RNF220: variants seen among roughly 807,000 people sequenced by gnomAD.
RNF220 encodes the protein ring finger protein 220.
RNF220 carries 7 observed loss-of-function variants against 67.1 expected under a neutral mutation model. The observed-to-expected ratio is 0.10, with a 90% CI of 0.06 to 0.20. RNF220 has a LOEUF of 0.20. RNF220 is among the 10% of genes least tolerant of loss of function. RNF220 has a pLI of 1.00. For synonymous variants in RNF220, 270 were observed against 283.2 expected (o/e 0.95, Z 0.47); for missense variants, 565 against 740.3 (o/e 0.76, Z 2.75).
At chr1:44,512,360 C>T (rs1367858795) in intron 2 of RNF220, among the ~76,000 whole-genome samples, 4 of 152,138 alleles carry the variant, frequency 2.6e-5, no homozygotes, top group Admixed American at 1.3e-4. Flanking sequence ...GGGAGGAAAT[C>T]TCTGCTCATC....
At chr1:44,635,764 G>A in intron 7 of RNF220, 176 bp downstream of exon 7, 5 of 1,441,678 alleles carry the variant, frequency 3.5e-6, no homozygotes, top group Non-Finnish European at 4.6e-6. Context: ...GGGTCTCCAT[G>A]TGGTCTCAGC....
intron 2 of RNF220, among the ~76,000 whole-genome samples, chr1:44,520,124 TGTGTGAGA>T (rs1471311902): frequency 2.8e-5 from 4 of 142,712 alleles, no homozygotes; most frequent in South Asian, 4.8e-4. Flanking sequence ...TGTGTGTGTG[TGTGTGAGA>T]GAGAGAGAGA....
chr1:44,412,847 AG>A lies in RNF220; in HGVS notation c.625+126del. 2 of 1,047,596 alleles carry A rather than the reference AG, an allele frequency of 1.9e-6. No homozygotes were observed. The highest frequency in any genetic ancestry group is 2.8e-6 in the Non-Finnish European group (2 of 713,364). 64.9% of individuals were successfully genotyped at this position (1,047,596 alleles called of 1,614,324 possible). On this transcript the variant is annotated intron_variant, in intron 2 of 14. Coordinates refer to ENST00000361799, the MANE Select transcript of RNF220 (RefSeq NM_018150.4). The surrounding 1 kb of genome is among the most constrained non-coding windows in gnomAD (Gnocchi z 5.3). ...AAGGGCCAACTACTTCCCTTTCACT[AG>A]CTGTGGAGTGCTAACCTTTGCTTGT...
intron 8 of RNF220, chr1:44,638,410 G>A (rs533161711): frequency 2.0e-5 from 3 of 152,428 alleles, no homozygotes; most frequent in Non-Finnish European, 2.9e-5. Context: ...GAGGCAGGAT[G>A]AGCAGGCGAG....
intron 2 of RNF220, among the ~76,000 whole-genome samples, chr1:44,421,591 A>T (rs1649219706): frequency 1.0e-5 from 1 of 95,936 alleles, no homozygotes; most frequent in African/African-American, 4.1e-5. Flanking sequence ...AGCAGGACTG[A>T]GATGGGGGGG....
At chr1:44,555,600 G>A (rs7513870) in intron 2 of RNF220, among the ~76,000 whole-genome samples, 17,044 of 145,928 alleles carry the variant, frequency 0.12, 2,025 homozygotes, top group East Asian at 0.44. Context: ...TCAGCCTCTG[G>A]AGTAGCTGGG....
intron 4 of RNF220, among the ~76,000 whole-genome samples, chr1:44,625,711 G>A (rs931791816): frequency 6.6e-6 from 1 of 152,102 alleles, no homozygotes; most frequent in African/African-American, 2.4e-5. Context: ...CAAGCAGACA[G>A]TTTATTAATC....
intron 2 of RNF220, among the ~76,000 whole-genome samples, chr1:44,537,566 C>T (rs1277210110): frequency 1.3e-5 from 2 of 152,138 alleles, no homozygotes; most frequent in Non-Finnish European, 2.9e-5. Context: ...TTTCGTTACC[C>T]TAGGAGTAAA....
intron 2 of RNF220, among the ~76,000 whole-genome samples, chr1:44,432,912 T>C (rs1650556548): frequency 1.3e-5 from 2 of 151,058 alleles, no homozygotes; most frequent in Non-Finnish European, 1.5e-5. Flanking sequence ...TTTTTTTTTT[T>C]TGAGTCTTGC....
At chr1:44,594,089 G>GA (rs60537747) in intron 2 of RNF220, among the ~76,000 whole-genome samples, 35 of 136,722 alleles carry the variant, frequency 2.6e-4, no homozygotes, top group East Asian at 6.9e-4. Flanking sequence ...CATCTCAAAA[G>GA]AAAAAAAAAA....
chr1:44,616,595 C>A (rs1643556017), intron 3 of RNF220, among the ~76,000 whole-genome samples: 1 of 151,816 alleles, frequency 6.6e-6, no homozygotes. Flanking sequence ...CCCATCCCTA[C>A]CCCCCGCCCA....
rs185649731 is a variant in RNF220 at position 44,595,684 on chromosome 1, C to G, written c.626-18481C>G. ...GCCAGAATGGACAGGGTACAGCTTTCCATTCCAACCAGCATCAAGCAGATG... is the reference window on the plus strand; with the variant it reads ...GCCAGAATGGACAGGGTACAGCTTTGCATTCCAACCAGCATCAAGCAGATG... On this transcript the variant is annotated intron_variant, in intron 2 of 14. Coordinates refer to ENST00000361799, the MANE Select transcript of RNF220 (RefSeq NM_018150.4). Among the ~76,000 whole-genome samples the G allele has an allele frequency of 2.3e-3, 350 of 152,318 alleles. 4 individuals carry two copies. Among genetic ancestry groups the G allele is most frequent in the African/African-American group, 8.0e-3 (334 of 41,580 alleles).
rs146266660 is a variant in RNF220 at position 44,562,013 on chromosome 1, G to C, written c.626-52152G>C. 4.1e-3 allele frequency among the ~76,000 whole-genome samples: 622 copies of C among 152,194 alleles called. 4 individuals are homozygous for C. The highest frequency in any genetic ancestry group is 0.015 in the East Asian group (80 of 5,170). On this transcript the variant is annotated intron_variant, in intron 2 of 14. Coordinates refer to ENST00000361799, the MANE Select transcript of RNF220 (RefSeq NM_018150.4). ...GCTAACTTAACTTAGCTAATTTAAA[G>C]CTAACTCCTTAAGGAGTTAGACCCA...
At chr1:44,490,146 A>G (rs773531921) in intron 2 of RNF220, among the ~76,000 whole-genome samples, 5 of 152,178 alleles carry the variant, frequency 3.3e-5, no homozygotes, top group Non-Finnish European at 2.9e-5. Flanking sequence ...AATACTGGAT[A>G]TGTTTCTTAA....
At chr1:44,413,332 A>G (rs745894005) in intron 2 of RNF220, among the ~76,000 whole-genome samples, 15 of 152,154 alleles carry the variant, frequency 9.9e-5, no homozygotes, top group South Asian at 4.1e-4. Context: ...GGGATTTCAC[A>G]GGTTTGCTGG....
At chr1:44,405,192 T>TGTGC (rs1442832934), upstream of RNF220, 2 of 311,902 alleles carry the variant, frequency 6.4e-6, no homozygotes, top group Non-Finnish European at 1.2e-5. Context: ...TGAGAGAATG[T>TGTGC]GTGCGTGCGT....
chr1:44,421,338 C>T (rs10493118), intron 2 of RNF220, among the ~76,000 whole-genome samples: 105,312 of 152,034 alleles, frequency 0.69, 36,560 homozygotes, highest in South Asian at 0.83. Context: ...TTGGACTACA[C>T]GTAATGAGAT....
rs76623371 is a variant in RNF220 at position 44,571,189 on chromosome 1, C to T, written c.626-42976C>T. 8.6e-3 allele frequency among the ~76,000 whole-genome samples: 1,310 copies of T among 152,270 alleles called. 9 individuals are homozygous for T. Among genetic ancestry groups the T allele is most frequent in the Middle Eastern group, 0.02 (6 of 294 alleles). ...CCTCTTCCCAACCTACAAGACCCTA[C>T]AGTCTGGCCCCTCTTCCATCTGCTC... On this transcript the variant is annotated intron_variant, in intron 2 of 14. Transcript: ENST00000361799.
chr1:44,555,399 T>A (rs1023591368), intron 2 of RNF220, among the ~76,000 whole-genome samples: 8 of 151,872 alleles, frequency 5.3e-5, no homozygotes, highest in African/African-American at 1.9e-4. Context: ...CCCACCTACC[T>A]GCCCAGTCTC....
Sources: gnomAD v4.1 joint callset for allele counts (sites outside exome capture counted in the v4.1 genomes callset) on GRCh38, gnomAD v4.1.1 for gene constraint, Gnocchi (gnomAD v3.1) non-coding constraint, MANE v1.5 for transcripts, NCBI Gene and HGNC (gene_info 2026-07-23, HGNC 2026-07-21) for gene names.